MDGA2: variants seen among roughly 807,000 people sequenced by gnomAD.
MDGA2 encodes the protein MAM domain containing glycosylphosphatidylinositol anchor 2.
In MDGA2, 40 loss-of-function variants were observed where a neutral mutation model predicts 117.8. The ratio of observed to expected loss-of-function variants is 0.34; its 90% CI spans 0.26 to 0.44. The LOEUF (loss-of-function observed/expected upper bound fraction) is 0.44. Ranked by LOEUF, MDGA2 falls within the 20% of genes least tolerant of loss-of-function variation. The probability of loss-of-function intolerance (pLI) is 1.00; values close to 1 mark genes in which losing one functional copy is unlikely to be tolerated. For missense variants in MDGA2, 1,123 were observed against 1,250.6 expected (o/e 0.90, Z 1.54); for synonymous variants, 452 against 439.0 (o/e 1.03, Z -0.37).
chr14:47,161,105 T>A (rs906606979), intron 3 of MDGA2, among the ~76,000 whole-genome samples: 140 of 152,292 alleles, frequency 9.2e-4, no homozygotes, highest in African/African-American at 3.3e-3. Flanking sequence ...TTTGCATTTT[T>A]AAAAATTTCT....
chr14:46,856,106 A>C (rs1391178137), intron 14 of MDGA2, among the ~76,000 whole-genome samples: 1 of 152,082 alleles, frequency 6.6e-6, no homozygotes, highest in Non-Finnish European at 1.5e-5. Flanking sequence ...TTATCCCCAC[A>C]TTATAGATGA....
At chr14:47,235,507 A>G (rs943631581) in intron 2 of MDGA2, among the ~76,000 whole-genome samples, 2 of 152,228 alleles carry the variant, frequency 1.3e-5, no homozygotes, top group African/African-American at 4.8e-5. Context: ...GCGTAGATTA[A>G]TAACAGTTAT....
chr14:47,271,033 G>A (rs911886935), intron 2 of MDGA2, among the ~76,000 whole-genome samples: 1 of 152,074 alleles, frequency 6.6e-6, no homozygotes, highest in African/African-American at 2.4e-5. Flanking sequence ...TTCCTGTGTA[G>A]GATTACTAAC....
intron 1 of MDGA2, among the ~76,000 whole-genome samples, chr14:47,581,144 T>A (rs1228411200): frequency 6.6e-6 from 1 of 151,982 alleles, no homozygotes; most frequent in South Asian, 2.1e-4. Context: ...TTCATGAACA[T>A]ACAGGAAAGA....
intron 3 of MDGA2, among the ~76,000 whole-genome samples, chr14:47,207,909 C>A (rs553834963): frequency 2.0e-5 from 3 of 151,978 alleles, no homozygotes; most frequent in Non-Finnish European, 4.4e-5. Context: ...GGATCAATCA[C>A]ACCAGTATGT....
chr14:47,545,359 G>T (rs1895440779), intron 1 of MDGA2, among the ~76,000 whole-genome samples: 1 of 152,150 alleles, frequency 6.6e-6, no homozygotes, highest in African/African-American at 2.4e-5. Flanking sequence ...TCTCCATTTT[G>T]TGGTCAGATA....
At chr14:47,611,489 A>G (rs1305723223) in intron 1 of MDGA2, among the ~76,000 whole-genome samples, 1 of 152,058 alleles carries the variant, frequency 6.6e-6, no homozygotes, top group Non-Finnish European at 1.5e-5. Context: ...CAGAATCGAC[A>G]ACAAACTCAA....
At chr14:47,330,265 C>T (rs1594799807) in intron 1 of MDGA2, among the ~76,000 whole-genome samples, 2 of 151,830 alleles carry the variant, frequency 1.3e-5, no homozygotes, top group Admixed American at 1.3e-4. Context: ...AAAGCTGATA[C>T]ACATTTCAAG....
At chr14:47,090,296 T>C (rs866526030) in intron 6 of MDGA2, among the ~76,000 whole-genome samples, 2 of 152,116 alleles carry the variant, frequency 1.3e-5, no homozygotes, top group Non-Finnish European at 1.5e-5. Context: ...ATTGAATACA[T>C]ATTGACTTCT....
At chr14:47,326,077 A>G (rs1298973490) in intron 1 of MDGA2, among the ~76,000 whole-genome samples, 2 of 152,252 alleles carry the variant, frequency 1.3e-5, no homozygotes, top group African/African-American at 4.8e-5. Context: ...GAGGAAAAAT[A>G]TGTGCATGTA....
intron 10 of MDGA2, among the ~76,000 whole-genome samples, chr14:46,894,832 A>T (rs1428731646): frequency 1.3e-5 from 2 of 152,198 alleles, no homozygotes; most frequent in Non-Finnish European, 2.9e-5. Flanking sequence ...GCAGCTTCTG[A>T]TAAATTACTA....
Position 47,544,175 on chromosome 14 carries a change from G to A in MDGA2, c.280+130342C>T, listed in dbSNP as rs1216654475. On this transcript the variant is annotated intron_variant, in intron 1 of 16. Coordinates refer to ENST00000399232, the MANE Select transcript of MDGA2 (RefSeq NM_001113498.3). ...ATTTTAAGATTAATATCACCAGTGA[G>A]AAAATAACTGTTATTAAAAGTCAAA... Among the ~76,000 whole-genome samples, 3 of 152,124 alleles carry A rather than the reference G, an allele frequency of 2.0e-5. No individual in the cohort carries two copies. The East Asian group carries it at 5.8e-4, about 29-fold the overall frequency.
At chr14:47,019,625 C>T (rs568297216) in intron 8 of MDGA2, among the ~76,000 whole-genome samples, 3 of 152,096 alleles carry the variant, frequency 2.0e-5, no homozygotes, top group Admixed American at 6.5e-5. Context: ...GGGCGGATCA[C>T]GAGGTCAGGA....
intron 1 of MDGA2, among the ~76,000 whole-genome samples, chr14:47,620,471 G>A (rs1336222254): frequency 2.6e-5 from 4 of 152,166 alleles, no homozygotes; most frequent in Non-Finnish European, 5.9e-5. Flanking sequence ...TTGATTACAC[G>A]TGAATACTTT....
At chr14:47,070,672 C>A (rs968886020) in intron 6 of MDGA2, among the ~76,000 whole-genome samples, 1 of 152,106 alleles carries the variant, frequency 6.6e-6, no homozygotes, top group African/African-American at 2.4e-5. Context: ...GTGGTGTGAT[C>A]TTGGCTCACT....
rs187343219 is a variant in MDGA2 at position 47,030,962 on chromosome 14, G to T, written c.1819+4049C>A. On this transcript the variant is annotated intron_variant, in intron 8 of 16. Transcript: ENST00000399232. ...CAAGAATTAATCAAACTATTTCATT[G>T]TAGTGACTATGTTACTCTTAACAGG... 1.3e-3 allele frequency among the ~76,000 whole-genome samples: 202 copies of T among 152,166 alleles called. 1 individual carries two copies. Among genetic ancestry groups the T allele is most frequent in the African/African-American group, 4.7e-3 (196 of 41,548 alleles).
At chr14:47,217,737 T>C (rs867473200) in intron 3 of MDGA2, among the ~76,000 whole-genome samples, 38 of 152,178 alleles carry the variant, frequency 2.5e-4, no homozygotes, top group African/African-American at 7.5e-4. Flanking sequence ...AAAAAATGTG[T>C]GCATTAAAAC....
chr14:47,418,590 A>AGAGG (rs1892519684), intron 1 of MDGA2, among the ~76,000 whole-genome samples: 1 of 152,122 alleles, frequency 6.6e-6, no homozygotes, highest in Non-Finnish European at 1.5e-5. Flanking sequence ...TCATGACCAA[A>AGAGG]TCACCTTACA....
At chr14:47,365,601 T>C (rs1316885055) in intron 1 of MDGA2, among the ~76,000 whole-genome samples, 2 of 152,222 alleles carry the variant, frequency 1.3e-5, no homozygotes, top group Non-Finnish European at 2.9e-5. Flanking sequence ...TCTCATTTTA[T>C]TCTCCTTTTT....
Sources: gnomAD v4.1 joint callset for allele counts (sites outside exome capture counted in the v4.1 genomes callset) on GRCh38, gnomAD v4.1.1 for gene constraint, MANE v1.5 for transcripts, NCBI Gene and HGNC (gene_info 2026-07-23, HGNC 2026-07-21) for gene names.